Variants in PLS1 observed in about 807,000 individuals in gnomAD.
PLS1 encodes plastin-1.
PLS1 carries 32 observed loss-of-function variants against 73.7 expected under a neutral mutation model. The observed-to-expected ratio is 0.43, with a 90% confidence interval of 0.33 to 0.58. The LOEUF is 0.58. Ranked by LOEUF, PLS1 falls within the 20% of genes least tolerant of loss-of-function variation. The probability of loss-of-function intolerance (pLI) is 0.04; values close to 1 mark genes in which losing one functional copy is unlikely to be tolerated. For synonymous variants in PLS1, 217 were observed against 261.3 expected (o/e 0.83, Z 1.63); for missense variants, 633 against 740.5 (o/e 0.85, Z 1.68).
At chr3:142,604,110 GAACT>G (rs2035976946) in intron 1 of PLS1, among the ~76,000 whole-genome samples, 1 of 152,048 alleles carries the variant, frequency 6.6e-6, no homozygotes, top group African/African-American at 2.4e-5. Flanking sequence ...ATTTTTTTGA[GAACT>G]AAGAAATAAG....
chr3:142,604,027 A>G lies in PLS1; in HGVS notation c.-37+7518A>G, dbSNP rs141490981. The stretch of plus-strand genomic sequence containing the variant: ...TTACTCTATTATTGAGGAACACAAT[A>G]CATTAAATTGTTTATAGATCCAGTT... On this transcript the variant is annotated intron_variant, in intron 1 of 15. Coordinates refer to ENST00000457734, the MANE Select transcript of PLS1 (RefSeq NM_001145319.2). Among the ~76,000 whole-genome samples the G allele has an allele frequency of 2.8e-4, 43 of 152,326 alleles. No individual in the cohort carries two copies. The East Asian group carries it at 7.7e-3, about 27-fold the overall frequency.
intron 14 of PLS1, among the ~76,000 whole-genome samples, chr3:142,706,005 T>C (rs1463815154): frequency 1.3e-5 from 2 of 152,224 alleles, no homozygotes; most frequent in African/African-American, 4.8e-5. Context: ...GGGATTGTAT[T>C]ATAAAATTCT....
chr3:142,632,118 C>A (rs1426705267), intron 1 of PLS1, among the ~76,000 whole-genome samples: 1 of 152,114 alleles, frequency 6.6e-6, no homozygotes, highest in African/African-American at 2.4e-5. Context: ...AAAAGATGTT[C>A]AATATCACTA....
rs374422572 is a variant in PLS1, at chr3:142,669,392, A to C, written c.73A>C (p.Ile25Leu). The change falls in exon 3 of 16, where the codon ATT (isoleucine) becomes CTT (leucine). Residue 25 changes from isoleucine to leucine, a missense_variant and splice_region_variant. Transcript: ENST00000457734. ...TATTTTATAATATATCTTTACAGAT[A>C]TTGACAATAGTGGGTATGTCAGTGA... ...ELQEAFNKID[I>L]DNSGYVSDYE... 18 of 1,522,388 alleles carry C rather than the reference A, an allele frequency of 1.2e-5. No individual in the cohort carries two copies. The highest frequency in any genetic ancestry group is 1.6e-5 in the Non-Finnish European group (18 of 1,108,000). 94.3% of individuals were successfully genotyped at this position (1,522,388 alleles called of 1,614,324 possible).
At chr3:142,600,087 T>G (rs1046627953) in intron 1 of PLS1, among the ~76,000 whole-genome samples, 6 of 152,144 alleles carry the variant, frequency 3.9e-5, no homozygotes, top group African/African-American at 1.4e-4. Flanking sequence ...ACACTCCAGT[T>G]CAAGATGTTC....
chr3:142,678,156 G>GA, intron 6 of PLS1, 43 bp downstream of exon 6: 1 of 905,762 alleles, frequency 1.1e-6, no homozygotes, highest in Admixed American at 2.6e-5. Context: ...ACTATGCTGA[G>GA]AAATATAAGA....
At chr3:142,704,190 A>G (rs905995776) in intron 13 of PLS1, among the ~76,000 whole-genome samples, 189 bp downstream of exon 13, 1 of 152,218 alleles carries the variant, frequency 6.6e-6, no homozygotes, top group Non-Finnish European at 1.5e-5. Context: ...AAATGGGTCA[A>G]TATCCAGAAA....
intron 2 of PLS1, among the ~76,000 whole-genome samples, chr3:142,667,061 C>G (rs1478119686): frequency 6.6e-6 from 1 of 152,094 alleles, no homozygotes; most frequent in Non-Finnish European, 1.5e-5. Context: ...TAACTTAAGC[C>G]TTTATTTCCT....
chr3:142,689,868 T>C, intron 10 of PLS1, 55 bp downstream of exon 10: 1 of 1,137,892 alleles, frequency 8.8e-7, no homozygotes, highest in Non-Finnish European at 1.3e-6. Flanking sequence ...TATGGTATTG[T>C]CTTACTTCAC....
intron 1 of PLS1, chr3:142,619,386 G>A (rs2036274803): frequency 6.6e-6 from 1 of 152,100 alleles, no homozygotes; most frequent in African/African-American, 2.4e-5. Flanking sequence ...TGCTTGGTGT[G>A]CCCTTATGTC....
intron 14 of PLS1, among the ~76,000 whole-genome samples, chr3:142,706,865 AT>A (rs1272700020): frequency 6.6e-6 from 1 of 152,150 alleles, no homozygotes; most frequent in Non-Finnish European, 1.5e-5. Context: ...ACTAATAGAA[AT>A]GAGGATGTCA....
intron 2 of PLS1, 24 bp downstream of exon 2, chr3:142,664,331 T>C (rs1306564542): frequency 1.6e-6 from 2 of 1,213,000 alleles, no homozygotes; most frequent in South Asian, 1.2e-5. Context: ...AAAGTAAATA[T>C]GATATTACTG....
chr3:142,683,306 C>A (rs2037893732), intron 6 of PLS1, among the ~76,000 whole-genome samples: 1 of 152,186 alleles, frequency 6.6e-6, no homozygotes, highest in African/African-American at 2.4e-5. Context: ...AGATCTAGAC[C>A]ATCCTGGCTA....
At chr3:142,662,931 G>A (rs1455626444) in intron 1 of PLS1, among the ~76,000 whole-genome samples, 5 of 152,112 alleles carry the variant, frequency 3.3e-5, no homozygotes, top group East Asian at 3.8e-4. Flanking sequence ...GAAGGGGGCC[G>A]GGCTCAGTGG....
chr3:142,615,829 A>G (rs992710264), intron 1 of PLS1, among the ~76,000 whole-genome samples: 4 of 152,176 alleles, frequency 2.6e-5, no homozygotes, highest in African/African-American at 9.7e-5. Flanking sequence ...CTTTAGCTCC[A>G]TTGAGTATAG....
chr3:142,653,823 TAA>T (rs2037157330), intron 1 of PLS1, among the ~76,000 whole-genome samples: 1 of 152,232 alleles, frequency 6.6e-6, no homozygotes, highest in Non-Finnish European at 1.5e-5. Context: ...GCAATAATCA[TAA>T]GATTGTACTA....
At chr3:142,634,738 A>T (rs903554435) in intron 1 of PLS1, among the ~76,000 whole-genome samples, 1 of 152,216 alleles carries the variant, frequency 6.6e-6, no homozygotes. Context: ...TGTTAAACGA[A>T]GTCCTCAAGG....
At chr3:142,652,383 G>A (rs965905440) in intron 1 of PLS1, among the ~76,000 whole-genome samples, 2 of 152,088 alleles carry the variant, frequency 1.3e-5, no homozygotes, top group Admixed American at 6.5e-5. Context: ...ATCCTACTTT[G>A]CACCTTTTAT....
At position 142,679,677 on chromosome 3, in the gene PLS1, C is replaced by T. The variant is rs1321212033; in HGVS notation, c.579+1564C>T. Among the ~76,000 whole-genome samples, 3 of 151,566 alleles carry T rather than the reference C, an allele frequency of 2.0e-5. No individual in the cohort carries two copies. The East Asian group carries it at 5.8e-4, about 29-fold the overall frequency. ...TACCATGCTGTTTTGGTTACTGCAG[C>T]CTTGTAGTATAGTTTGAAGTCAGGT... is the stretch of plus-strand genomic sequence containing the variant. On this transcript the variant is annotated intron_variant, in intron 6 of 15. Transcript: ENST00000457734.
Sources: allele counts gnomAD v4.1 joint callset (sites outside exome capture counted in the v4.1 genomes callset), GRCh38; gene constraint gnomAD v4.1.1; transcripts MANE v1.5; gene names NCBI Gene and HGNC (gene_info 2026-07-23, HGNC 2026-07-21).